The following ERC1 variants were observed in gnomAD, a reference collection of about 807,000 sequenced individuals.
ERC1 encodes RAB6 interacting protein 2.
In ERC1, 56 loss-of-function variants were observed where a neutral mutation model predicts 132.0. The ratio of observed to expected loss-of-function variants is 0.42; its 90% CI spans 0.34 to 0.53. The LOEUF (loss-of-function observed/expected upper bound fraction) is 0.53, where lower values mean the gene tolerates loss of function less well. ERC1 is among the 20% of genes least tolerant of loss of function. ERC1 has a pLI of 0.03. For missense variants in ERC1, 1,202 were observed against 1,349.9 expected (o/e 0.89, Z 1.72); for synonymous variants, 478 against 476.1 (o/e 1.00, Z -0.05).
chr12:1,063,560 C>T (rs1938477834), intron 2 of ERC1, among the ~76,000 whole-genome samples: 1 of 152,116 alleles, frequency 6.6e-6, no homozygotes, highest in Admixed American at 6.5e-5. Flanking sequence ...CCGCACCTGG[C>T]TTATTCCTTC....
In ERC1 at chr12:1,164,307, ATGTTATTTTATTT is replaced by A. The variant is rs201504083; in HGVS notation, c.1738-16218_1738-16206del. ...TTATTTTATTTTGTTATTTTATTTT[ATGTTATTTTATTT>A]TGTTATTTTATTTTATGTTATTTTA... On this transcript the variant is annotated intron_variant, in intron 8 of 18. Coordinates refer to ENST00000360905, the MANE Select transcript of ERC1 (RefSeq NM_178040.4). Among the ~76,000 whole-genome samples the A allele has an allele frequency of 4.0e-4, 54 of 134,824 alleles. 1 individual carries two copies. Among genetic ancestry groups the A allele is most frequent in the Admixed American group, 1.0e-3 (14 of 13,746 alleles). 88.4% of individuals were successfully genotyped at this position (134,824 alleles called of 152,430 possible). A position where few individuals can be genotyped will look rare whatever the true frequency, so the allele number is the denominator to read the frequency against.
At chr12:1,187,740 A>C (rs909027626) in intron 11 of ERC1, among the ~76,000 whole-genome samples, 1 of 152,170 alleles carries the variant, frequency 6.6e-6, no homozygotes, top group Admixed American at 6.6e-5. Flanking sequence ...TTTTTTCTAC[A>C]AATAATTGAG....
chr12:1,288,905 G>T (rs956784312), intron 14 of ERC1, among the ~76,000 whole-genome samples: 14 of 151,826 alleles, frequency 9.2e-5, no homozygotes, highest in Non-Finnish European at 1.8e-4. Flanking sequence ...TGGAATAAGT[G>T]GAAATTACTG....
At position 1,174,125 on chromosome 12, in the gene ERC1, G is replaced by A. The variant is rs191837226; in HGVS notation, c.1738-6415G>A. 2.0e-3 allele frequency among the ~76,000 whole-genome samples: 309 copies of A among 152,326 alleles called. 1 individual carries two copies. The highest frequency in any genetic ancestry group is 3.4e-3 in the Middle Eastern group (1 of 294). The stretch of plus-strand genomic sequence containing the variant: ...TTAGCCATCATGATGCTGGATAAAC[G>A]GAAAGAGAAGTATTTTTATGGGCAC... On this transcript the variant is annotated intron_variant, in intron 8 of 18. Transcript: ENST00000360905.
At chr12:1,196,888 GTC>G (rs1208341760) in intron 12 of ERC1, among the ~76,000 whole-genome samples, 1 of 69,468 alleles carries the variant, frequency 1.4e-5, no homozygotes, top group South Asian at 4.6e-4. Flanking sequence ...CTGTCTGTCT[GTC>G]TCTCTCTGTC....
upstream of ERC1, chr12:991,133 G>C (rs1170402269): frequency 6.6e-6 from 1 of 151,202 alleles, no homozygotes; most frequent in Non-Finnish European, 1.5e-5. Context: ...AGGCAGCCGA[G>C]CCGGGAGCCC....
intron 12 of ERC1, among the ~76,000 whole-genome samples, chr12:1,214,659 TATACATACACAC>T (rs765592217): frequency 1.1e-4 from 10 of 94,980 alleles, no homozygotes; most frequent in Non-Finnish European, 1.8e-4. Flanking sequence ...TGCGTGTGTG[TATACATACACAC>T]ACACACACAC....
At chr12:1,168,320 C>T (rs1325071153) in intron 8 of ERC1, among the ~76,000 whole-genome samples, 1 of 151,776 alleles carries the variant, frequency 6.6e-6, no homozygotes. Context: ...AGATGGGTTT[C>T]GCCATGTTGC....
At chr12:1,306,840 G>C (rs989455185) in intron 15 of ERC1, among the ~76,000 whole-genome samples, 1 of 151,982 alleles carries the variant, frequency 6.6e-6, no homozygotes, top group Non-Finnish European at 1.5e-5. Context: ...TCATCTGTTA[G>C]AAAGTACCCA....
intron 14 of ERC1, among the ~76,000 whole-genome samples, chr12:1,271,433 G>A (rs2154331255): frequency 6.6e-6 from 1 of 152,330 alleles, no homozygotes; most frequent in Middle Eastern, 3.4e-3. Context: ...TGGGAGAATA[G>A]TGGTATAATT....
intron 8 of ERC1, among the ~76,000 whole-genome samples, chr12:1,150,914 A>G (rs540410345): frequency 6.6e-6 from 1 of 152,320 alleles, no homozygotes; most frequent in South Asian, 2.1e-4. Context: ...GACAGAAACT[A>G]AGGAAATGCG....
rs146214181 is a variant in ERC1, at chr12:1,222,756, C to T, written c.2352-14013C>T. ...TGTGGGAGATTTTATGGTATAGTAA[C>T]GTATAACACTAACTATATGTAACTT... On this transcript the variant is annotated intron_variant, in intron 12 of 18. Transcript: ENST00000360905. 2.5e-3 allele frequency among the ~76,000 whole-genome samples: 384 copies of T among 151,998 alleles called. 1 individual carries two copies. The highest frequency in any genetic ancestry group is 8.1e-3 in the African/African-American group (337 of 41,450).
chr12:1,132,629 G>A (rs765501364), intron 7 of ERC1, among the ~76,000 whole-genome samples: 8 of 152,168 alleles, frequency 5.3e-5, no homozygotes, highest in Non-Finnish European at 7.3e-5. Context: ...TGTCCTGTGT[G>A]ATGGTGGTGC....
intron 1 of ERC1, among the ~76,000 whole-genome samples, chr12:999,608 G>GTTTT (rs1961738113): frequency 2.7e-5 from 1 of 37,514 alleles, no homozygotes. Flanking sequence ...GGTGCTAGGT[G>GTTTT]ATTTTTTTTT....
Position 1,028,341 on chromosome 12 carries a change from G to A in ERC1, c.438G>A (p.Ala146=), listed in dbSNP as rs368784319. ...ASTVPHSLRQ[A]RDNTIMDLQT... ...CTGTACCTCACTCCCTTCGTCAGGC[G>A]AGAGATAACACAATCATGGATCTGC... is the stretch of plus-strand genomic sequence containing the variant. Residue 146 remains alanine (A), a synonymous_variant, in exon 2 of 19, where the codon GCG becomes GCA. Coordinates refer to ENST00000360905, the MANE Select transcript of ERC1 (RefSeq NM_178040.4). 5.0e-6 allele frequency: 8 copies of A among 1,614,138 alleles called. No homozygotes were observed. The highest frequency in any genetic ancestry group is 2.2e-5 in the East Asian group (1 of 44,886).
chr12:1,048,801 G>A (rs1204422567), intron 2 of ERC1, among the ~76,000 whole-genome samples: 3 of 152,188 alleles, frequency 2.0e-5, no homozygotes, highest in African/African-American at 7.2e-5. Flanking sequence ...AATTGCACTA[G>A]TATAATATAA....
chr12:1,160,588 G>A (rs907821806), intron 8 of ERC1, among the ~76,000 whole-genome samples: 12 of 152,236 alleles, frequency 7.9e-5, no homozygotes, highest in East Asian at 5.8e-4. Context: ...GTGCCCACCT[G>A]TAATCCCAGC....
At chr12:1,144,195 A>C (rs1231858333) in intron 8 of ERC1, among the ~76,000 whole-genome samples, 1 of 152,208 alleles carries the variant, frequency 6.6e-6, no homozygotes, top group Non-Finnish European at 1.5e-5. Flanking sequence ...GTTAGAATTG[A>C]TAGCTACATT....
chr12:1,473,702 C>T (rs2093915589), intron 18 of ERC1, among the ~76,000 whole-genome samples: 1 of 151,498 alleles, frequency 6.6e-6, no homozygotes, highest in Non-Finnish European at 1.5e-5. Context: ...GCCATTACCA[C>T]TTCCGGCCCA....
Sources: gnomAD v4.1 joint callset for allele counts (sites outside exome capture counted in the v4.1 genomes callset) on GRCh38, gnomAD v4.1.1 for gene constraint, MANE v1.5 for transcripts, NCBI Gene and HGNC (gene_info 2026-07-23, HGNC 2026-07-21) for gene names.